MCUB: variants seen among roughly 807,000 people sequenced by gnomAD.
The protein encoded by MCUB is mitochondrial calcium uniporter dominant negative subunit beta.
MCUB carries 46 observed loss-of-function variants against 41.4 expected under a neutral mutation model. The observed-to-expected ratio is 1.11, with a 90% CI of 0.88 to 1.42. The LOEUF (loss-of-function observed/expected upper bound fraction) is 1.42. MCUB is among the 40% of genes most tolerant of loss of function. MCUB has a pLI of 0.00. For synonymous variants in MCUB, 148 were observed against 148.2 expected (o/e 1.00, Z 0.01); for missense variants, 403 against 404.9 (o/e 1.00, Z 0.04).
intron 1 of MCUB, among the ~76,000 whole-genome samples, chr4:109,631,078 A>G (rs1327898875): frequency 2.0e-5 from 3 of 152,176 alleles, no homozygotes; most frequent in East Asian, 1.9e-4. Flanking sequence ...CAATTTCTGG[A>G]CAGAAGTCAG....
At chr4:109,581,404 C>T (rs370844065) in intron 1 of MCUB, among the ~76,000 whole-genome samples, 1 of 152,142 alleles carries the variant, frequency 6.6e-6, no homozygotes, top group Non-Finnish European at 1.5e-5. Flanking sequence ...AAGACTTAAA[C>T]GTTAGACCTA....
rs149233225 is a variant in MCUB, at chr4:109,684,468, C to T, written c.638C>T (p.Ser213Leu). ...EQVKAGIEAH[S>L]EAKTSGLLWA... The stretch of plus-strand genomic sequence containing the variant: ...GTGAAAGCTGGAATAGAAGCTCATT[C>T]GGAAGCCAAAACCAGTGGACTCCTG... Residue 213 changes from serine to leucine, a missense_variant, in exon 6 of 8, where the codon TCG (serine) becomes TTG (leucine). Physicochemically the swap from Ser to Leu is moderately radical, Grantham distance 145 (BLOSUM62 -2). Transcript: ENST00000394650. 178 of 1,612,148 alleles carry T rather than the reference C, an allele frequency of 1.1e-4. 1 individual carries two copies. The African/African-American group carries it at 2.1e-3, about 19-fold the overall frequency.
At chr4:109,627,572 C>T (rs1252463732) in intron 1 of MCUB, among the ~76,000 whole-genome samples, 1 of 152,148 alleles carries the variant, frequency 6.6e-6, no homozygotes, top group East Asian at 1.9e-4. Flanking sequence ...ATGTGTCAGG[C>T]GTGGCCCTTG....
chr4:109,571,235 C>T (rs185396538), intron 1 of MCUB, among the ~76,000 whole-genome samples: 7 of 152,022 alleles, frequency 4.6e-5, no homozygotes, highest in Admixed American at 2.0e-4. Flanking sequence ...TTTTAAGAAA[C>T]GAATTTTATA....
chr4:109,573,636 G>A (rs1410434449), intron 1 of MCUB, among the ~76,000 whole-genome samples: 2 of 152,136 alleles, frequency 1.3e-5, no homozygotes, highest in Non-Finnish European at 2.9e-5. Flanking sequence ...CTAGAAGCTA[G>A]TATGGCTCCT....
intron 1 of MCUB, among the ~76,000 whole-genome samples, chr4:109,654,111 T>G (rs968413071): frequency 1.2e-5 from 1 of 80,106 alleles, no homozygotes; most frequent in African/African-American, 7.7e-5. Context: ...TAAAAATAAA[T>G]GTGTTGTTTT....
rs188527095 is a variant in MCUB at position 109,569,766 on chromosome 4, G to A, written c.99+9330G>A. Among the ~76,000 whole-genome samples the A allele has an allele frequency of 5.0e-3, 761 of 152,152 alleles. 5 individuals are homozygous for A. Among genetic ancestry groups the A allele is most frequent in the African/African-American group, 0.017 (717 of 41,508 alleles). ...GATTGGCCTGCCTCGGCCTCCCAAAGTGCTGGGATTACAGGTGTGAGCCAC... is the reference window on the plus strand; with the variant it reads ...GATTGGCCTGCCTCGGCCTCCCAAAATGCTGGGATTACAGGTGTGAGCCAC... On this transcript the variant is annotated intron_variant, in intron 1 of 7. Transcript: ENST00000394650.
In MCUB at chr4:109,572,453, T is replaced by C. The variant is rs1276308767; in HGVS notation, c.99+12017T>C. On this transcript the variant is annotated intron_variant, in intron 1 of 7. Coordinates refer to ENST00000394650, the MANE Select transcript of MCUB (RefSeq NM_017918.5). ...AAAAGTATTATGCATATCTGGTACA[T>C]TAATTTAGTAGCATTTTATAGACAA... Among the ~76,000 whole-genome samples the C allele has an allele frequency of 3.3e-5, 5 of 152,342 alleles. No homozygotes were observed. The East Asian group carries it at 5.8e-4, about 18-fold the overall frequency.
chr4:109,685,763 T>C (rs1368124881), intron 7 of MCUB, among the ~76,000 whole-genome samples: 1 of 152,226 alleles, frequency 6.6e-6, no homozygotes, highest in Non-Finnish European at 1.5e-5. Context: ...CCTTCATCTT[T>C]TTCCCTTCTG....
chr4:109,685,221 T>G, intron 6 of MCUB, 30 bp from the exon 7 acceptor site: 1 of 889,506 alleles, frequency 1.1e-6, no homozygotes, highest in Non-Finnish European at 1.8e-6. Context: ...CAAAACATGT[T>G]GTTTTCTTCT....
chr4:109,618,861 A>G lies in MCUB; in HGVS notation c.100-40150A>G, dbSNP rs550995169. Among the ~76,000 whole-genome samples, 41 of 152,258 alleles carry G rather than the reference A, an allele frequency of 2.7e-4. No homozygotes were observed. The South Asian group carries it at 8.1e-3, about 30-fold the overall frequency. ...AATAAATAAAATTGCCAACATAACA[A>G]TAAGCTTCTTAGAAGATGCATTTAT... is the stretch of plus-strand genomic sequence containing the variant. On this transcript the variant is annotated intron_variant, in intron 1 of 7. Transcript: ENST00000394650.
In MCUB at chr4:109,577,904, C is replaced by T; in HGVS notation, c.99+17468C>T. Among the ~76,000 whole-genome samples, 4 of 28,522 alleles carry T rather than the reference C, an allele frequency of 1.4e-4. 2 individuals carry two copies. Among genetic ancestry groups the T allele is most frequent in the Non-Finnish European group, 3.3e-4 (4 of 12,044 alleles). The allele number at this position is 28,522 out of a possible 152,430, so 18.7% of individuals were successfully genotyped here. ...GGATTACAGGTGTGAGCCACCGCGC[C>T]CGGCCGGGTACTTGAATTCTTTAAG... On this transcript the variant is annotated intron_variant, in intron 1 of 7. Coordinates refer to ENST00000394650, the MANE Select transcript of MCUB (RefSeq NM_017918.5).
In MCUB at chr4:109,664,539, C is replaced by A. The variant is rs1032920672; in HGVS notation, c.451+145C>A. 5 of 557,852 alleles carry A rather than the reference C, an allele frequency of 9.0e-6. No homozygotes were observed. In the African/African-American group the frequency reaches 9.5e-5, roughly 11 times the overall value. 34.6% of individuals were successfully genotyped at this position (557,852 alleles called of 1,614,324 possible). A position where few individuals can be genotyped will look rare whatever the true frequency, so the allele number is the denominator to read the frequency against. ...TCCTGGGCTCAAACAATCCTCCCAC[C>A]TCAGCCTCCAGAGTAGCTGGGACTA... is the stretch of plus-strand genomic sequence containing the variant. On this transcript the variant is annotated intron_variant, in intron 4 of 7. Transcript: ENST00000394650.
At position 109,596,721 on chromosome 4, in the gene MCUB, ACTT is replaced by A. The variant is rs201018453; in HGVS notation, c.99+36289_99+36291del. ...GATGTCTTTATTTAGGTCTTCTTAAACTTCTTTTTTTTTTTTTTAATTTATTTT... is the reference window on the plus strand; with the variant it reads ...GATGTCTTTATTTAGGTCTTCTTAAACTTTTTTTTTTTTTTAATTTATTTT... On this transcript the variant is annotated intron_variant, in intron 1 of 7. Coordinates refer to ENST00000394650, the MANE Select transcript of MCUB (RefSeq NM_017918.5). 9.9e-3 allele frequency among the ~76,000 whole-genome samples: 1,153 copies of A among 116,104 alleles called. 6 individuals are homozygous for A. Among genetic ancestry groups the A allele is most frequent in the South Asian group, 0.03 (90 of 2,952 alleles). The allele number at this position is 116,104 out of a possible 152,430, so 76.2% of individuals were successfully genotyped here.
chr4:109,624,848 A>G (rs74342394), intron 1 of MCUB, among the ~76,000 whole-genome samples: 2,142 of 152,242 alleles, frequency 0.014, 61 homozygotes, highest in African/African-American at 0.048. Context: ...GTATAGTCCA[A>G]ACCTGATGTC....
Position 109,688,651 on chromosome 4 carries a change from GGAT to G in MCUB, c.*1063_*1065del, listed in dbSNP as rs1371745479. The G allele has an allele frequency of 6.6e-6, 1 of 151,894 alleles. No homozygotes were observed. Among genetic ancestry groups the G allele is most frequent in the Non-Finnish European group, 1.5e-5 (1 of 68,004 alleles). The allele number at this position is 151,894 out of a possible 1,614,324, so 9.4% of individuals were successfully genotyped here. A position where few individuals can be genotyped will look rare whatever the true frequency, so the allele number is the denominator to read the frequency against. On this transcript the variant is annotated 3_prime_UTR_variant, in exon 8 of 8. Coordinates refer to ENST00000394650, the MANE Select transcript of MCUB (RefSeq NM_017918.5). ...TATGAATTTCGAATATTTTATTAAGGGATGATTTAATTCCTGGATTTCAAAAAC... is the reference window on the plus strand; with the variant it reads ...TATGAATTTCGAATATTTTATTAAGGGATTTAATTCCTGGATTTCAAAAAC...
chr4:109,685,863 C>T (rs546295716), intron 7 of MCUB, among the ~76,000 whole-genome samples: 1 of 152,304 alleles, frequency 6.6e-6, no homozygotes, highest in East Asian at 1.9e-4. Flanking sequence ...TTCTTAAGTA[C>T]TTTTTCACAG....
chr4:109,574,237 G>A (rs752675051), intron 1 of MCUB, among the ~76,000 whole-genome samples: 4 of 152,166 alleles, frequency 2.6e-5, no homozygotes, highest in Non-Finnish European at 5.9e-5. Context: ...ATGGTATCAT[G>A]TGAAAGAAGG....
At chr4:109,643,083 G>T (rs949019509) in intron 1 of MCUB, among the ~76,000 whole-genome samples, 2 of 150,582 alleles carry the variant, frequency 1.3e-5, no homozygotes, top group African/African-American at 4.9e-5. Context: ...GTGAGCCACC[G>T]CACCCGGCCA....
Sources: allele counts gnomAD v4.1 joint callset (sites outside exome capture counted in the v4.1 genomes callset), GRCh38; gene constraint gnomAD v4.1.1; transcripts MANE v1.5; gene names NCBI Gene and HGNC (gene_info 2026-07-23, HGNC 2026-07-21).